KCNN1: variants seen among roughly 807,000 people sequenced by gnomAD.
KCNN1 encodes small conductance calcium-activated potassium channel protein 1.
A neutral mutation model predicts 44.7 loss-of-function variants in KCNN1; 20 were observed. The observed-to-expected ratio is 0.45, with a 90% confidence interval of 0.32 to 0.65. KCNN1 has a LOEUF of 0.65. Ranked by LOEUF, KCNN1 falls within the 30% of genes least tolerant of loss-of-function variation. The probability of loss-of-function intolerance (pLI) is 0.05; values close to 1 mark genes in which losing one functional copy is unlikely to be tolerated. For missense variants in KCNN1, 632 were observed against 785.3 expected, an observed-to-expected ratio of 0.80 and a Z score of 2.33; for synonymous variants, 324 against 341.7, an observed-to-expected ratio of 0.95 and a Z score of 0.57.
In KCNN1 at chr19:17,993,411, G is replaced by T; in HGVS notation, c.1308-79G>T. The stretch of plus-strand genomic sequence containing the variant: ...ATGTCCCATAGGTGACCCCGGGTGG[G>T]TGCATGAAAGTCCCTGCCCCCACTG... On this transcript the variant is annotated intron_variant, in intron 8 of 9. Transcript: ENST00000684775. This position sits in a 1 kb window ranked among gnomAD's most constrained non-coding sequence, Gnocchi z 4.5. 3.8e-6 allele frequency: 4 copies of T among 1,056,228 alleles called. No homozygotes were observed. The highest frequency in any genetic ancestry group is 5.8e-6 in the Non-Finnish European group (4 of 691,898). 65.4% of individuals were successfully genotyped at this position (1,056,228 alleles called of 1,614,324 possible).
rs1006217777 is a variant in KCNN1 at position 17,989,968 on chromosome 19, C to T, written c.1298+125C>T. The stretch of plus-strand genomic sequence containing the variant: ...CGGGTGGTCAGTTGGTTGGGGCCTG[C>T]ATCTTCTGAGCTGGGTGGATGGGAG... On this transcript the variant is annotated intron_variant, in intron 7 of 9. Coordinates refer to ENST00000684775, the MANE Select transcript of KCNN1 (RefSeq NM_001386974.1). The T allele has an allele frequency of 5.1e-6, 7 of 1,379,990 alleles. No homozygotes were observed. The African/African-American group carries it at 8.6e-5, about 17-fold the overall frequency. 85.5% of individuals were successfully genotyped at this position (1,379,990 alleles called of 1,614,324 possible).
chr19:17,995,259 AC>A (rs1441952873), intron 9 of KCNN1, among the ~76,000 whole-genome samples: 1 of 150,052 alleles, frequency 6.7e-6, no homozygotes, highest in Non-Finnish European at 1.5e-5. Context: ...CGCAGCCTCA[AC>A]CTCCCCAGGC....
At chr19:17,952,186 C>CGGCGG (rs1402727506) in intron 1 of KCNN1, 1 of 151,978 alleles carries the variant, frequency 6.6e-6, no homozygotes, top group African/African-American at 2.4e-5. Flanking sequence ...CCTCCCCGGG[C>CGGCGG]GGCGGGGCGG....
intron 6 of KCNN1, 100 bp downstream of exon 6, chr19:17,988,625 C>G: frequency 1.2e-6 from 1 of 846,814 alleles, no homozygotes; most frequent in South Asian, 1.5e-5. Flanking sequence ...GCTCATGTGC[C>G]CATGGGTTAC....
At chr19:17,965,555 G>A (rs1357898879), upstream of KCNN1, among the ~76,000 whole-genome samples, 2 of 152,166 alleles carry the variant, frequency 1.3e-5, no homozygotes. Context: ...GTGGCGAGGG[G>A]AGACTGAGAA....
intron 1 of KCNN1, among the ~76,000 whole-genome samples, chr19:17,972,273 A>C (rs1367875619): frequency 6.6e-6 from 1 of 152,054 alleles, no homozygotes; most frequent in African/African-American, 2.4e-5. Flanking sequence ...AGGGCAGGGG[A>C]GAATCTGACA....
chr19:17,998,488 T>G lies in KCNN1; in HGVS notation c.*82T>G. 7.5e-7 allele frequency: 1 copy of G among 1,341,518 alleles called. No individual in the cohort carries two copies. The highest frequency in any genetic ancestry group is 2.6e-5 in the East Asian group (1 of 38,338). 83.1% of individuals were successfully genotyped at this position (1,341,518 alleles called of 1,614,324 possible). A position where few individuals can be genotyped will look rare whatever the true frequency, so the allele number is the denominator to read the frequency against. Reference sequence around the variant, plus strand: ...GGGAAGCCTTGTACAGTGGCGCCTCTTGGAGTTCAAGAAGCCAACGCTGAG... The same window carrying G: ...GGGAAGCCTTGTACAGTGGCGCCTCGTGGAGTTCAAGAAGCCAACGCTGAG... On this transcript the variant is annotated 3_prime_UTR_variant, in exon 10 of 10. Transcript: ENST00000684775. The surrounding 1 kb of genome is among the most constrained non-coding windows in gnomAD (Gnocchi z 5.4).
At position 17,974,820 on chromosome 19, in the gene KCNN1, T is replaced by C. The variant is rs1003013347; in HGVS notation, c.403-272T>C. Among the ~76,000 whole-genome samples, 1 of 152,194 alleles carries C rather than the reference T, an allele frequency of 6.6e-6. No homozygotes were observed. Among genetic ancestry groups the C allele is most frequent in the Non-Finnish European group, 1.5e-5 (1 of 68,028 alleles). On this transcript the variant is annotated intron_variant, in intron 2 of 9. Transcript: ENST00000684775. The surrounding 1 kb of genome is among the most constrained non-coding windows in gnomAD (Gnocchi z 7.3). ...CATAAACTGTGAAGCACTGGACACA[T>C]CTTGCTGTCAGCCCAGTCCCCAGGA...
chr19:17,981,289 C>T (rs546830285), intron 3 of KCNN1, among the ~76,000 whole-genome samples: 10 of 151,964 alleles, frequency 6.6e-5, no homozygotes, highest in Admixed American at 2.6e-4. Context: ...TGGTGGCTTA[C>T]GCCTGTAATC....
chr19:17,989,776 C>T lies in KCNN1; in HGVS notation c.1231C>T (p.Leu411=). Residue 411 remains leucine, a synonymous_variant, in exon 7 of 10, where the codon CTG becomes TTG. Transcript: ENST00000684775. The part of the protein sequence containing the change: ...ETWLIYKHTR[L]VKKPDQARVR... ...GTGGCTCATCTACAAACATACCAGG[C>T]TGGTGAAGAAGCCAGACCAAGCCCG... The T allele has an allele frequency of 6.2e-7, 1 of 1,613,930 alleles. No individual in the cohort carries two copies. Among genetic ancestry groups the T allele is most frequent in the Non-Finnish European group, 8.5e-7 (1 of 1,179,872 alleles).
At chr19:17,956,904 G>A (rs1408821681) in intron 2 of KCNN1, among the ~76,000 whole-genome samples, 1 of 151,714 alleles carries the variant, frequency 6.6e-6, no homozygotes, top group African/African-American at 2.4e-5. Flanking sequence ...AAATTAGCCA[G>A]GGGTGATGTC....
upstream of KCNN1, among the ~76,000 whole-genome samples, chr19:17,962,401 G>A (rs959220516): frequency 1.9e-4 from 29 of 152,206 alleles, no homozygotes; most frequent in African/African-American, 5.5e-4. Context: ...TTTTTCCTCC[G>A]TGTTCTGTCT....
intron 4 of KCNN1, 59 bp from the exon 5 acceptor site, chr19:17,985,251 GAT>G: frequency 6.8e-7 from 1 of 1,464,994 alleles, no homozygotes. Flanking sequence ...CAGGGGGTGT[GAT>G]GGAGGCAAAG....
rs1216001516 is a variant in KCNN1, at chr19:17,975,090, A to G, written c.403-2A>G. 6.2e-7 allele frequency: 1 copy of G among 1,612,662 alleles called. No homozygotes were observed. The highest frequency in any genetic ancestry group is 1.7e-5 in the Admixed American group (1 of 60,008). ...TCTGGCTGTGTCCTCTCTCTTTACC[A>G]GGAGTCTCTGTACTCATTCGCACTC... On this transcript the variant is annotated splice_acceptor_variant, in intron 2 of 9. Coordinates refer to ENST00000684775, the MANE Select transcript of KCNN1 (RefSeq NM_001386974.1). LOFTEE classifies it high-confidence loss of function.
In KCNN1 at chr19:17,974,243, G is replaced by T. The variant is rs750178153; in HGVS notation, c.355G>T (p.Val119Phe). ...CCTCATTTTCGGCATGTTTGGCATC[G>T]TCGTCATGGTGACGGAGACCGAGCT... is the stretch of plus-strand genomic sequence containing the variant. ...YALIFGMFGI[V>F]VMVTETELSW... Residue 119 changes from valine (V) to phenylalanine (F), a missense_variant, in exon 2 of 10, where the codon GTC becomes TTC. Val to Phe is a conservative substitution (Grantham distance 50). Transcript: ENST00000684775. The surrounding 1 kb of genome is among the most constrained non-coding windows in gnomAD (Gnocchi z 7.3). 1.9e-6 allele frequency: 3 copies of T among 1,607,200 alleles called. No homozygotes were observed. The highest frequency in any genetic ancestry group is 2.7e-5 in the African/African-American group (2 of 74,750).
chr19:17,959,687 G>A (rs1406255980), intron 2 of KCNN1, among the ~76,000 whole-genome samples: 5 of 152,154 alleles, frequency 3.3e-5, no homozygotes, highest in Non-Finnish European at 7.3e-5. Context: ...ACAGGCATGA[G>A]CCATGGGACC....
At position 17,981,904 on chromosome 19, in the gene KCNN1, A is replaced by G. The variant is rs747220329; in HGVS notation, c.694A>G (p.Ile232Val). 8 of 1,612,956 alleles carry G rather than the reference A, an allele frequency of 5.0e-6. No homozygotes were observed. Among genetic ancestry groups the G allele is most frequent in the Non-Finnish European group, 5.9e-6 (7 of 1,179,272 alleles). The change falls in exon 4 of 10, where the codon ATC (isoleucine) becomes GTC (valine). Residue 232 changes from isoleucine (I) to valine (V), a missense_variant. This residue lies in a region of KCNN1 where 160 missense variants were observed against 308.3 expected (regional missense o/e 0.52). Coordinates refer to ENST00000684775, the MANE Select transcript of KCNN1 (RefSeq NM_001386974.1). ...GGCCGACGTGGACGTGCTGCTGTCC[A>G]TCCCCATGTTCCTGCGCCTCTACCT... ...AEADVDVLLSIPMFLRLYLLG... is the reference protein window; with the variant it reads ...AEADVDVLLSVPMFLRLYLLG...
At chr19:17,958,517 A>C (rs2031598031) in intron 2 of KCNN1, among the ~76,000 whole-genome samples, 2 of 123,574 alleles carry the variant, frequency 1.6e-5, no homozygotes, top group Non-Finnish European at 3.2e-5. Context: ...ACAGGGTCTC[A>C]CTCTGTCATC....
intron 3 of KCNN1, among the ~76,000 whole-genome samples, chr19:17,978,881 A>G (rs953883792): frequency 6.9e-6 from 1 of 145,262 alleles, no homozygotes; most frequent in African/African-American, 2.5e-5. Context: ...GTGGCGAAAC[A>G]CCGTCTCTAC....
Sources: allele counts gnomAD v4.1 joint callset (sites outside exome capture counted in the v4.1 genomes callset), GRCh38; gene constraint gnomAD v4.1.1; regional missense constraint gnomAD v4.1.1; non-coding constraint Gnocchi (gnomAD v3.1); transcripts MANE v1.5; gene names NCBI Gene and HGNC (gene_info 2026-07-23, HGNC 2026-07-21).